SPOCK1: variants seen among roughly 807,000 people sequenced by gnomAD.
The protein encoded by SPOCK1 is SPARC (osteonectin), cwcv and kazal like domains proteoglycan 1.
In SPOCK1, 23 loss-of-function variants were observed where a neutral mutation model predicts 55.3. That is an observed-to-expected ratio of 0.42 (90% CI 0.30 to 0.59). The LOEUF (loss-of-function observed/expected upper bound fraction) is 0.59. SPOCK1 is among the 20% of genes least tolerant of loss of function. SPOCK1 has a pLI of 0.22. For missense variants in SPOCK1, 499 were observed against 552.5 expected (o/e 0.90, Z 0.97); for synonymous variants, 226 against 221.0 (o/e 1.02, Z -0.20).
At chr5:137,069,783 A>T (rs1352302823) in intron 5 of SPOCK1, among the ~76,000 whole-genome samples, 1 of 152,252 alleles carries the variant, frequency 6.6e-6, no homozygotes, top group Non-Finnish European at 1.5e-5. Context: ...TGGCTTATTA[A>T]AAGAATCCTT....
intron 2 of SPOCK1, among the ~76,000 whole-genome samples, chr5:137,299,922 G>C (rs146624440): frequency 6.6e-6 from 1 of 152,102 alleles, no homozygotes; most frequent in Non-Finnish European, 1.5e-5. Flanking sequence ...TGAGCTTGCT[G>C]TATCTATAAA....
chr5:137,159,670 T>G (rs2127049859), intron 3 of SPOCK1, among the ~76,000 whole-genome samples: 1 of 152,318 alleles, frequency 6.6e-6, no homozygotes, highest in South Asian at 2.1e-4. Context: ...AGGCACAATT[T>G]TATTCTTTTT....
chr5:136,990,592 G>A (rs190786600), intron 7 of SPOCK1, among the ~76,000 whole-genome samples: 1 of 150,088 alleles, frequency 6.7e-6, no homozygotes, highest in East Asian at 2.0e-4. Flanking sequence ...GGGACATAAC[G>A]TGGCCCCTTC....
At chr5:137,244,698 GA>G (rs1377292243) in intron 3 of SPOCK1, among the ~76,000 whole-genome samples, 1 of 152,048 alleles carries the variant, frequency 6.6e-6, no homozygotes, top group African/African-American at 2.4e-5. Flanking sequence ...CTCACACCCA[GA>G]AAAAAAGGAA....
intron 5 of SPOCK1, among the ~76,000 whole-genome samples, chr5:137,099,599 CAT>C (rs1290694349): frequency 2.0e-5 from 3 of 151,224 alleles, no homozygotes; most frequent in African/African-American, 7.3e-5. Flanking sequence ...TATATGTACA[CAT>C]ATATATACAC....
intron 2 of SPOCK1, among the ~76,000 whole-genome samples, chr5:137,277,460 C>T (rs1757088431): frequency 6.6e-6 from 1 of 152,132 alleles, no homozygotes; most frequent in African/African-American, 2.4e-5. Flanking sequence ...CATGCTGTAA[C>T]CACTACATAC....
intron 2 of SPOCK1, among the ~76,000 whole-genome samples, chr5:137,383,478 G>T (rs1751522232): frequency 6.6e-6 from 1 of 152,164 alleles, no homozygotes; most frequent in Admixed American, 6.5e-5. Context: ...AACTTTAGAA[G>T]CTAATAATGA....
chr5:137,357,121 T>C (rs1252943132), intron 2 of SPOCK1, among the ~76,000 whole-genome samples: 2 of 151,826 alleles, frequency 1.3e-5, no homozygotes, highest in African/African-American at 2.4e-5. Context: ...ATCTTCCCTA[T>C]AGAAACTCCC....
intron 2 of SPOCK1, among the ~76,000 whole-genome samples, chr5:137,470,342 GGTCA>G (rs1244418891): frequency 1.3e-5 from 2 of 152,206 alleles, no homozygotes; most frequent in Admixed American, 6.5e-5. Context: ...TACGAAAAGA[GGTCA>G]GTCAAGCTCA....
At chr5:137,229,342 C>T (rs1431200507) in intron 3 of SPOCK1, among the ~76,000 whole-genome samples, 4 of 152,142 alleles carry the variant, frequency 2.6e-5, no homozygotes, top group African/African-American at 9.7e-5. Flanking sequence ...ACCTCCCTAG[C>T]TCATAAAAAC....
At chr5:137,092,526 G>T (rs1244988339) in intron 5 of SPOCK1, among the ~76,000 whole-genome samples, 1 of 152,188 alleles carries the variant, frequency 6.6e-6, no homozygotes, top group African/African-American at 2.4e-5. Flanking sequence ...CCCAGGTGAG[G>T]TCAGACGTTC....
intron 3 of SPOCK1, among the ~76,000 whole-genome samples, chr5:137,153,479 T>C (rs1040928874): frequency 6.6e-5 from 10 of 152,218 alleles, no homozygotes; most frequent in African/African-American, 2.4e-4. Context: ...CATTGAGAAT[T>C]TAGAGATGCT....
chr5:137,103,630 A>T (rs2127026965), intron 5 of SPOCK1, among the ~76,000 whole-genome samples: 1 of 152,240 alleles, frequency 6.6e-6, no homozygotes, highest in East Asian at 1.9e-4. Context: ...TTACAGGAGC[A>T]AGAGATAAAA....
At chr5:137,364,409 T>TAG (rs1004625582) in intron 2 of SPOCK1, among the ~76,000 whole-genome samples, 34 of 152,190 alleles carry the variant, frequency 2.2e-4, no homozygotes, top group African/African-American at 8.2e-4. Context: ...AGTGACCTGA[T>TAG]AGAAGAATCT....
intron 6 of SPOCK1, among the ~76,000 whole-genome samples, chr5:137,046,094 G>C (rs1202288133): frequency 8.0e-5 from 1 of 12,464 alleles, no homozygotes; most frequent in Non-Finnish European, 1.8e-4. Flanking sequence ...CTCCAGCTTT[G>C]TTCTTTTGGC....
chr5:137,418,593 T>C (rs188758073), intron 2 of SPOCK1, among the ~76,000 whole-genome samples: 6 of 152,276 alleles, frequency 3.9e-5, no homozygotes, highest in African/African-American at 1.4e-4. Flanking sequence ...TTTGGCTGCA[T>C]GAATGTCTTT....
At chr5:137,235,543 G>A (rs1756163076) in intron 3 of SPOCK1, among the ~76,000 whole-genome samples, 1 of 152,216 alleles carries the variant, frequency 6.6e-6, no homozygotes, top group African/African-American at 2.4e-5. Flanking sequence ...AAATGAGTAT[G>A]GGCAGAAAGA....
chr5:137,192,797 G>GA (rs1355759674), intron 3 of SPOCK1, among the ~76,000 whole-genome samples: 1 of 152,000 alleles, frequency 6.6e-6, no homozygotes, highest in African/African-American at 2.4e-5. Flanking sequence ...CTATGTCAAG[G>GA]AAAAAAACAG....
intron 6 of SPOCK1, among the ~76,000 whole-genome samples, chr5:137,063,070 A>G (rs1752425326): frequency 6.9e-6 from 1 of 144,506 alleles, no homozygotes; most frequent in African/African-American, 2.6e-5. Flanking sequence ...CGTCTCTACT[A>G]AAAATACAAA....
Sources: gnomAD v4.1 joint callset for allele counts (sites outside exome capture counted in the v4.1 genomes callset) on GRCh38, gnomAD v4.1.1 for gene constraint, MANE v1.5 for transcripts, NCBI Gene and HGNC (gene_info 2026-07-23, HGNC 2026-07-21) for gene names.